Variants in IMMP2L observed in about 807,000 individuals in gnomAD.
IMMP2L encodes inner mitochondrial membrane peptidase subunit 2.
A neutral mutation model predicts 19.3 loss-of-function variants in IMMP2L; 18 were observed. The ratio of observed to expected loss-of-function variants is 0.93; its 90% CI spans 0.64 to 1.38. The LOEUF is 1.38. IMMP2L is among the 40% of genes most tolerant of loss of function. The pLI is 0.00. For missense variants in IMMP2L, 233 were observed against 218.2 expected (o/e 1.07, Z -0.43); for synonymous variants, 76 against 73.0 (o/e 1.04, Z -0.21).
chr7:110,936,363 A>G (rs1321275359), intron 4 of IMMP2L, among the ~76,000 whole-genome samples: 17 of 152,222 alleles, frequency 1.1e-4, no homozygotes, highest in Non-Finnish European at 1.5e-5. Context: ...GAAAAAAACA[A>G]ACAACCCCAC....
chr7:111,032,797 G>C (rs1790961990), intron 3 of IMMP2L, among the ~76,000 whole-genome samples: 2 of 152,004 alleles, frequency 1.3e-5, no homozygotes, highest in South Asian at 2.1e-4. Context: ...ATTCAAGCCT[G>C]GGTGACACAG....
chr7:111,110,072 T>C, intron 3 of IMMP2L, among the ~76,000 whole-genome samples: 1 of 152,030 alleles, frequency 6.6e-6, no homozygotes, highest in Admixed American at 6.5e-5. Flanking sequence ...GAGGTGGAGG[T>C]TGCAGTAAGC....
chr7:111,402,719 A>G (rs751203285), intron 3 of IMMP2L, among the ~76,000 whole-genome samples: 1 of 152,010 alleles, frequency 6.6e-6, no homozygotes, highest in African/African-American at 2.4e-5. Context: ...TCTCAAAACA[A>G]AACAAAAAAA....
intron 3 of IMMP2L, among the ~76,000 whole-genome samples, chr7:111,430,064 A>G (rs942880159): frequency 5.3e-5 from 8 of 151,928 alleles, no homozygotes; most frequent in African/African-American, 1.9e-4. Flanking sequence ...CAAAACAAAC[A>G]TAAGGAAATG....
chr7:111,405,563 G>C (rs1039096510), intron 3 of IMMP2L, among the ~76,000 whole-genome samples: 2 of 152,108 alleles, frequency 1.3e-5, no homozygotes, highest in Non-Finnish European at 2.9e-5. Flanking sequence ...AGTATTATCT[G>C]TTTGGATTTT....
chr7:110,916,061 C>T (rs1331942454), intron 4 of IMMP2L, among the ~76,000 whole-genome samples: 1 of 152,170 alleles, frequency 6.6e-6, no homozygotes, highest in Non-Finnish European at 1.5e-5. Context: ...TGAATGGCCA[C>T]ATCTACATCC....
intron 5 of IMMP2L, among the ~76,000 whole-genome samples, chr7:110,761,817 A>G (rs775368537): frequency 2.0e-5 from 3 of 152,212 alleles, no homozygotes; most frequent in Non-Finnish European, 4.4e-5. Context: ...CATGCTGAGT[A>G]TAAATCACAG....
intron 5 of IMMP2L, among the ~76,000 whole-genome samples, chr7:110,846,201 T>C (rs761506744): frequency 1.3e-5 from 2 of 152,078 alleles, no homozygotes; most frequent in Non-Finnish European, 2.9e-5. Context: ...ATTCTGATCA[T>C]TTAACCCCCA....
intron 5 of IMMP2L, among the ~76,000 whole-genome samples, chr7:110,814,502 G>C (rs925541244): frequency 6.7e-6 from 1 of 150,076 alleles, no homozygotes; most frequent in African/African-American, 2.4e-5. Flanking sequence ...AGAATTAAAA[G>C]AGGGAGCATT....
intron 5 of IMMP2L, among the ~76,000 whole-genome samples, chr7:110,784,825 C>T (rs1005354145): frequency 4.6e-5 from 7 of 151,872 alleles, no homozygotes; most frequent in African/African-American, 1.7e-4. Context: ...TAGAGCTCCC[C>T]TGTGCTACCA....
At chr7:111,397,065 G>A (rs550048782) in intron 3 of IMMP2L, among the ~76,000 whole-genome samples, 1 of 151,754 alleles carries the variant, frequency 6.6e-6, no homozygotes, top group African/African-American at 2.4e-5. Flanking sequence ...TCCAGCCTGG[G>A]CAACAGAGCG....
At chr7:111,264,326 C>T (rs933002825) in intron 3 of IMMP2L, among the ~76,000 whole-genome samples, 1 of 152,054 alleles carries the variant, frequency 6.6e-6, no homozygotes, top group African/African-American at 2.4e-5. Flanking sequence ...GAGGAGAGAT[C>T]CAGATTTAGG....
At chr7:111,294,516 G>A (rs368658442) in intron 3 of IMMP2L, among the ~76,000 whole-genome samples, 3 of 151,690 alleles carry the variant, frequency 2.0e-5, no homozygotes, top group African/African-American at 7.3e-5. Flanking sequence ...TTCTTTTTCC[G>A]TGTTTTAATG....
chr7:111,122,884 A>G, intron 3 of IMMP2L: 3 of 1,614,058 alleles, frequency 1.9e-6, no homozygotes, highest in Non-Finnish European at 2.5e-6. Context: ...GTGTGAAATC[A>G]GGCCTTGGTT....
At chr7:111,290,141 G>A (rs948849188) in intron 3 of IMMP2L, among the ~76,000 whole-genome samples, 2 of 152,138 alleles carry the variant, frequency 1.3e-5, no homozygotes, top group African/African-American at 4.8e-5. Flanking sequence ...GCTCACAGCA[G>A]TAAGTCCACA....
intron 3 of IMMP2L, among the ~76,000 whole-genome samples, chr7:111,112,509 A>G (rs1475130756): frequency 6.6e-6 from 1 of 152,202 alleles, no homozygotes; most frequent in African/African-American, 2.4e-5. Context: ...ACAGCCATAA[A>G]TATGGCCTCC....
intron 3 of IMMP2L, among the ~76,000 whole-genome samples, chr7:111,392,338 C>A (rs755387083): frequency 2.0e-5 from 3 of 152,126 alleles, no homozygotes; most frequent in Non-Finnish European, 4.4e-5. Flanking sequence ...ATTTCCTGCC[C>A]AGGGCCAAGA....
intron 5 of IMMP2L, among the ~76,000 whole-genome samples, chr7:110,669,066 T>C (rs866353910): frequency 1.5e-5 from 2 of 134,174 alleles, no homozygotes; most frequent in African/African-American, 7.3e-5. Context: ...TGTGTGTGTG[T>C]GTGTGTGTGT....
chr7:111,554,619 A>AT (rs1791053417), intron 1 of IMMP2L, among the ~76,000 whole-genome samples: 1 of 150,802 alleles, frequency 6.6e-6, no homozygotes, highest in South Asian at 2.1e-4. Context: ...TTTTTATTTT[A>AT]TTATTATTAT....
Sources: allele counts gnomAD v4.1 joint callset (sites outside exome capture counted in the v4.1 genomes callset), GRCh38; gene constraint gnomAD v4.1.1; transcripts MANE v1.5; gene names NCBI Gene and HGNC (gene_info 2026-07-23, HGNC 2026-07-21).